PDE4D: variants seen among roughly 807,000 people sequenced by gnomAD.
The protein encoded by PDE4D is 3',5'-cyclic-AMP phosphodiesterase 4D.
In PDE4D, 24 loss-of-function variants were observed where a neutral mutation model predicts 87.4. The ratio of observed to expected loss-of-function variants is 0.27; its 90% CI spans 0.20 to 0.39. The LOEUF (loss-of-function observed/expected upper bound fraction) is 0.39, where lower values mean the gene tolerates loss of function less well. PDE4D is among the 10% of genes least tolerant of loss of function. The pLI, the probability that PDE4D is intolerant of heterozygous loss-of-function variation, is 1.00. For missense variants in PDE4D, 714 were observed against 1,041.0 expected, an observed-to-expected ratio of 0.69 and a Z score of 4.32; for synonymous variants, 384 against 383.2, an observed-to-expected ratio of 1.00 and a Z score of -0.02.
intron 3 of PDE4D, among the ~76,000 whole-genome samples, chr5:59,940,590 C>T (rs1260828881): frequency 6.6e-6 from 1 of 152,120 alleles, no homozygotes; most frequent in Non-Finnish European, 1.5e-5. Context: ...GTATCATTCA[C>T]TGAAATAGAG....
At chr5:59,092,960 C>T (rs1413775961) in intron 5 of PDE4D, among the ~76,000 whole-genome samples, 1 of 149,468 alleles carries the variant, frequency 6.7e-6, no homozygotes, top group Non-Finnish European at 1.5e-5. Context: ...ATCATGCCTG[C>T]TTATCTTCTT....
intron 5 of PDE4D, among the ~76,000 whole-genome samples, chr5:59,156,320 A>AATATATATATATAT (rs1554082853): frequency 0.036 from 2,906 of 81,128 alleles, 100 homozygotes; most frequent in Middle Eastern, 0.052. Flanking sequence ...AAAAAAAAAA[A>AATATATATATATAT]ATATATATAT....
At chr5:60,229,201 T>G (rs1169342665) in intron 1 of PDE4D, among the ~76,000 whole-genome samples, 1 of 152,122 alleles carries the variant, frequency 6.6e-6, no homozygotes, top group Non-Finnish European at 1.5e-5. Flanking sequence ...TGGCTCACCA[T>G]TCATAAAAAA....
At chr5:59,571,989 C>T (rs1184105735) in intron 1 of PDE4D, among the ~76,000 whole-genome samples, 1 of 152,158 alleles carries the variant, frequency 6.6e-6, no homozygotes, top group Non-Finnish European at 1.5e-5. Context: ...ATTTCATAAT[C>T]ATTTTCATGA....
intron 1 of PDE4D, among the ~76,000 whole-genome samples, chr5:60,513,076 TGGA>T (rs1750646404): frequency 6.6e-6 from 1 of 151,946 alleles, no homozygotes; most frequent in African/African-American, 2.4e-5. Flanking sequence ...ATGAGACAAA[TGGA>T]GAGCAAATAA....
At chr5:59,955,146 A>G (rs1675380720) in intron 3 of PDE4D, among the ~76,000 whole-genome samples, 1 of 152,210 alleles carries the variant, frequency 6.6e-6, no homozygotes, top group African/African-American at 2.4e-5. Flanking sequence ...GCTTTTATAT[A>G]TATACTTTAT....
chr5:60,477,181 C>T (rs746066019), intron 1 of PDE4D, among the ~76,000 whole-genome samples: 4 of 152,092 alleles, frequency 2.6e-5, no homozygotes, highest in Admixed American at 1.3e-4. Context: ...CAAAACCCCA[C>T]GGACTCACCC....
chr5:59,874,406 G>A (rs969638762), intron 1 of PDE4D, among the ~76,000 whole-genome samples: 27 of 152,072 alleles, frequency 1.8e-4, no homozygotes, highest in African/African-American at 4.8e-4. Flanking sequence ...ATTCTAATGT[G>A]TGCCAGAAGA....
At chr5:59,937,852 G>A (rs768164068) in intron 3 of PDE4D, among the ~76,000 whole-genome samples, 22 of 152,272 alleles carry the variant, frequency 1.4e-4, no homozygotes, top group Admixed American at 5.9e-4. Flanking sequence ...ATGGCAGGCT[G>A]GCTCAAGAGA....
At chr5:60,323,693 A>AC (rs1260402588) in intron 1 of PDE4D, among the ~76,000 whole-genome samples, 2 of 151,516 alleles carry the variant, frequency 1.3e-5, no homozygotes, top group African/African-American at 4.9e-5. Flanking sequence ...CCTTACTACC[A>AC]CCCCAAAGCC....
At position 59,200,284 on chromosome 5, in the gene PDE4D, A is replaced by ATACATACATATGTGTATGTACAGCTACAC. The variant is rs1561690542; in HGVS notation, c.648-6749_648-6748insGTGTAGCTGTACATACACATATGTATGTA. On this transcript the variant is annotated intron_variant, in intron 2 of 14. Coordinates refer to ENST00000340635, the MANE Select transcript of PDE4D (RefSeq NM_001104631.2). ...ATACATATGTGTATGTACAGCTACA[A>ATACATACATATGTGTATGTACAGCTACAC]GTATACATACATATGTGTATGTACA... Among the ~76,000 whole-genome samples, 33 of 105,562 alleles carry ATACATACATATGTGTATGTACAGCTACAC rather than the reference A, an allele frequency of 3.1e-4. 2 individuals carry two copies. The highest frequency in any genetic ancestry group is 9.4e-4 in the African/African-American group (19 of 20,252). 69.3% of individuals were successfully genotyped at this position (105,562 alleles called of 152,430 possible). A position where few individuals can be genotyped will look rare whatever the true frequency, so the allele number is the denominator to read the frequency against.
At chr5:60,047,153 G>T (rs371123680) in intron 2 of PDE4D, among the ~76,000 whole-genome samples, 50 of 152,168 alleles carry the variant, frequency 3.3e-4, no homozygotes, top group African/African-American at 1.2e-3. Context: ...GTTTATTTGC[G>T]TAGAGGTGTT....
At chr5:60,206,628 A>G (rs974002332) in intron 1 of PDE4D, among the ~76,000 whole-genome samples, 13 of 152,246 alleles carry the variant, frequency 8.5e-5, no homozygotes, top group African/African-American at 3.1e-4. Flanking sequence ...TTCTGAAAAT[A>G]TGTGTGCTCA....
chr5:60,260,693 G>A (rs147521750), intron 1 of PDE4D, among the ~76,000 whole-genome samples: 45 of 152,162 alleles, frequency 3.0e-4, no homozygotes, highest in African/African-American at 8.4e-4. Flanking sequence ...ATGCAGCGCT[G>A]TTTATATAAA....
chr5:60,420,491 AAAT>A (rs1467029303), intron 1 of PDE4D, among the ~76,000 whole-genome samples: 2 of 152,250 alleles, frequency 1.3e-5, no homozygotes, highest in Non-Finnish European at 2.9e-5. Flanking sequence ...CTTCAGAAGA[AAAT>A]AACACAATCC....
intron 1 of PDE4D, among the ~76,000 whole-genome samples, chr5:59,516,767 G>A (rs1811231363): frequency 6.6e-6 from 1 of 152,038 alleles, no homozygotes; most frequent in Admixed American, 6.5e-5. Flanking sequence ...AGGCTTAAAT[G>A]TATTATCAGG....
At chr5:59,219,195 TAA>T (rs11351473) in intron 1 of PDE4D, among the ~76,000 whole-genome samples, 7 of 140,126 alleles carry the variant, frequency 5.0e-5, no homozygotes, top group African/African-American at 1.3e-4. Flanking sequence ...AAAGTATAAT[TAA>T]AAAAAAAAAA....
At chr5:58,980,486 T>G (rs1744854804) in intron 11 of PDE4D, among the ~76,000 whole-genome samples, 1 of 152,196 alleles carries the variant, frequency 6.6e-6, no homozygotes, top group Admixed American at 6.5e-5. Context: ...GACAACTTTG[T>G]AAGTATTTAT....
At chr5:59,410,676 T>C (rs1170413578) in intron 1 of PDE4D, among the ~76,000 whole-genome samples, 1 of 150,318 alleles carries the variant, frequency 6.7e-6, no homozygotes, top group Non-Finnish European at 1.5e-5. Flanking sequence ...ACAATCTCAT[T>C]CTTTTTTTAT....
Sources: allele counts gnomAD v4.1 joint callset (sites outside exome capture counted in the v4.1 genomes callset), GRCh38; gene constraint gnomAD v4.1.1; transcripts MANE v1.5; gene names NCBI Gene and HGNC (gene_info 2026-07-23, HGNC 2026-07-21).